Variants in CFAP47 observed in about 807,000 individuals in gnomAD.
CFAP47 encodes cilia- and flagella-associated protein 47.
A neutral mutation model predicts 148.1 loss-of-function variants in CFAP47; 29 were observed. The ratio of observed to expected loss-of-function variants is 0.20; its 90% confidence interval spans 0.15 to 0.27. The LOEUF (loss-of-function observed/expected upper bound fraction) is 0.27, where lower values mean the gene tolerates loss of function less well. Among genes scored for constraint, CFAP47 ranks in the 10% least tolerant of loss-of-function variants. The pLI, the probability that CFAP47 is intolerant of heterozygous loss-of-function variation, is 1.00. For missense variants in CFAP47, 1,872 were observed against 1,697.5 expected (o/e 1.10, Z -1.81); for synonymous variants, 664 against 577.3 (o/e 1.15, Z -2.15).
chrX:35,978,055 C>T (rs1936593783), intron 15 of CFAP47, among the ~76,000 whole-genome samples: 1 of 112,154 alleles, frequency 8.9e-6, no homozygotes, highest in Admixed American at 9.5e-5. Flanking sequence ...ATACTGGATC[C>T]TGCCTCAATC....
intron 2 of CFAP47, among the ~76,000 whole-genome samples, chrX:35,939,449 C>T (rs1292864382): frequency 1.4e-5 from 1 of 70,724 alleles, no homozygotes; most frequent in Non-Finnish European, 2.6e-5. Flanking sequence ...CCCCCCTCCC[C>T]CCACCCCACA....
chrX:36,194,439 A>G (rs1318756194), intron 42 of CFAP47, among the ~76,000 whole-genome samples: 2 of 111,552 alleles, frequency 1.8e-5, no homozygotes, highest in Non-Finnish European at 3.8e-5. Flanking sequence ...CCACATTTTC[A>G]GGTATCTTTA....
At position 35,941,267 on chromosome X, in the gene CFAP47, C is replaced by T; in HGVS notation, c.402-16C>T. 1.0e-6 allele frequency: 1 copy of T among 974,729 alleles called. No homozygotes were observed. The highest frequency in any genetic ancestry group is 1.4e-6 in the Non-Finnish European group (1 of 701,378). 80.3% of individuals were successfully genotyped at this position (974,729 alleles called of 1,213,427 possible). ...ATTGTTAAATTAATTATGTGGCCTTCTTTTCTCCTCCCTAGGTTGATTCCA... is the reference window on the plus strand; with the variant it reads ...ATTGTTAAATTAATTATGTGGCCTTTTTTTCTCCTCCCTAGGTTGATTCCA... On this transcript the variant is annotated splice_polypyrimidine_tract_variant and intron_variant, in intron 2 of 63. Transcript: ENST00000378653.
intron 49 of CFAP47, among the ~76,000 whole-genome samples, chrX:36,277,982 C>T (rs6632551): frequency 0.23 from 25,890 of 110,438 alleles, 2,559 homozygotes; most frequent in African/African-American, 0.36. Context: ...TGGGCACCAG[C>T]CTGTATGAGG....
chrX:35,935,757 C>T (rs747400678), intron 2 of CFAP47, among the ~76,000 whole-genome samples: 9 of 110,301 alleles, frequency 8.2e-5, no homozygotes, highest in South Asian at 7.7e-4. Context: ...CATTATCAAA[C>T]GTAGTTTTAA....
At chrX:36,198,438 C>T (rs1249287352) in intron 42 of CFAP47, among the ~76,000 whole-genome samples, 1 of 111,579 alleles carries the variant, frequency 9.0e-6, no homozygotes, top group Non-Finnish European at 1.9e-5. Context: ...AGATAGCAGG[C>T]TTCAGAAGGA....
chrX:36,384,958 A>G lies in CFAP47; in HGVS notation c.9516A>G (p.Thr3172=). The part of the protein sequence containing the change: ...FVRENTKLIR[T]GVSSTIKGAP... ...GTGAAAATACTAAACTCATAAGAAC[A>G]GGGGTGTCTTCCACCATCAAGGGTG... is the stretch of plus-strand genomic sequence containing the variant. Residue 3172 remains threonine (T), a synonymous_variant, in exon 64 of 64, where the codon ACA becomes ACG. Coordinates refer to ENST00000378653, the MANE Select transcript of CFAP47 (RefSeq NM_001304548.2). The G allele has an allele frequency of 8.6e-7, 1 of 1,167,200 alleles. No individual in the cohort carries two copies. The highest frequency in any genetic ancestry group is 1.1e-6 in the Non-Finnish European group (1 of 872,136).
chrX:36,070,320 G>A (rs1276104057), intron 27 of CFAP47, among the ~76,000 whole-genome samples: 1 of 110,596 alleles, frequency 9.0e-6, no homozygotes, highest in African/African-American at 3.3e-5. Context: ...AAGTAGGCAT[G>A]CCAAGTTTTC....
intron 15 of CFAP47, among the ~76,000 whole-genome samples, chrX:35,985,616 T>C: frequency 9.0e-6 from 1 of 111,059 alleles, no homozygotes; most frequent in African/African-American, 3.3e-5. Flanking sequence ...AGCACCCTGG[T>C]TGGGCATCCA....
chrX:36,304,062 G>A (rs1482242937), intron 54 of CFAP47, 102 bp downstream of exon 54: 1 of 415,073 alleles, frequency 2.4e-6, no homozygotes, highest in Non-Finnish European at 4.1e-6. Context: ...TTATTACTAA[G>A]GATTTAAATT....
intron 30 of CFAP47, among the ~76,000 whole-genome samples, chrX:36,098,279 A>G (rs1938313682): frequency 8.9e-6 from 1 of 111,844 alleles, no homozygotes; most frequent in African/African-American, 3.3e-5. Flanking sequence ...CTGAAAGGTC[A>G]TGTATCTCTA....
intron 46 of CFAP47, among the ~76,000 whole-genome samples, chrX:36,234,594 T>G (rs1940425920): frequency 8.9e-6 from 1 of 112,453 alleles, no homozygotes; most frequent in African/African-American, 3.2e-5. Context: ...TTTGATCATC[T>G]GAGGCCTTCT....
intron 2 of CFAP47, among the ~76,000 whole-genome samples, chrX:35,934,793 T>C (rs1052547089): frequency 9.1e-6 from 1 of 110,448 alleles, no homozygotes; most frequent in African/African-American, 3.3e-5. Context: ...CTTGCCAGGA[T>C]TGGATCCTTC....
chrX:36,209,702 A>T (rs1940079070), intron 45 of CFAP47, among the ~76,000 whole-genome samples: 1 of 111,714 alleles, frequency 9.0e-6, no homozygotes, highest in Non-Finnish European at 1.9e-5. Flanking sequence ...TCAGATCTCT[A>T]ATCCTCTATT....
chrX:36,315,844 T>C (rs890179571), intron 56 of CFAP47, among the ~76,000 whole-genome samples: 15 of 111,589 alleles, frequency 1.3e-4, no homozygotes, highest in Admixed American at 7.6e-4. Flanking sequence ...ACACCATTCA[T>C]TGGAGTCCTT....
intron 8 of CFAP47, among the ~76,000 whole-genome samples, chrX:35,957,951 A>G (rs149254160): frequency 0.017 from 1,876 of 111,460 alleles, 44 homozygotes; most frequent in African/African-American, 0.058. Context: ...TGATATTAAT[A>G]TGTTCAGAGA....
chrX:36,372,109 A>G (rs1377517439), intron 62 of CFAP47, among the ~76,000 whole-genome samples: 3 of 107,982 alleles, frequency 2.8e-5, no homozygotes, highest in East Asian at 3.0e-4. Flanking sequence ...CATGCTGCCC[A>G]CATTGTTTAA....
intron 49 of CFAP47, among the ~76,000 whole-genome samples, chrX:36,261,479 C>T (rs1215669686): frequency 9.4e-6 from 1 of 106,506 alleles, no homozygotes; most frequent in Non-Finnish European, 1.9e-5. Flanking sequence ...TGCGGCCTTC[C>T]TCAGTGTTTG....
chrX:36,380,372 C>T (rs1465855220), intron 63 of CFAP47, among the ~76,000 whole-genome samples: 1 of 112,920 alleles, frequency 8.9e-6, no homozygotes, highest in Non-Finnish European at 1.9e-5. Flanking sequence ...TCTAAGAGTC[C>T]TTACAATCTA....
Sources: allele counts gnomAD v4.1 joint callset (sites outside exome capture counted in the v4.1 genomes callset), GRCh38; gene constraint gnomAD v4.1.1; transcripts MANE v1.5; gene names NCBI Gene and HGNC (gene_info 2026-07-23, HGNC 2026-07-21).